Variants in OSBPL3 observed in about 807,000 individuals in gnomAD.
OSBPL3 encodes oxysterol-binding protein-related protein 3.
A neutral mutation model predicts 120.1 loss-of-function variants in OSBPL3; 65 were observed. The ratio of observed to expected loss-of-function variants is 0.54; its 90% CI spans 0.44 to 0.67. The LOEUF (loss-of-function observed/expected upper bound fraction) is 0.67, where lower values mean the gene tolerates loss of function less well. OSBPL3 is among the 30% of genes least tolerant of loss of function. OSBPL3 has a pLI of 0.00. For synonymous variants in OSBPL3, 416 were observed against 402.6 expected (o/e 1.03, Z -0.40); for missense variants, 1,004 against 1,082.1 (o/e 0.93, Z 1.01).
In OSBPL3 at chr7:24,968,419, C is replaced by T. The variant is rs551118384; in HGVS notation, c.-150+11467G>A. Among the ~76,000 whole-genome samples, 6 of 152,018 alleles carry T rather than the reference C, an allele frequency of 3.9e-5. No homozygotes were observed. Among genetic ancestry groups the T allele is most frequent in the African/African-American group, 9.7e-5 (4 of 41,376 alleles). On this transcript the variant is annotated intron_variant, in intron 1 of 22. Transcript: ENST00000313367. This position sits in a 1 kb window ranked among gnomAD's most constrained non-coding sequence, Gnocchi z 4.6. ...ACCAGTTTTTTTGTTTTTTTTGAGTCGGAGTCTCCCTCTGTCACCCAGACT... is the reference window on the plus strand; with the variant it reads ...ACCAGTTTTTTTGTTTTTTTTGAGTTGGAGTCTCCCTCTGTCACCCAGACT...
In OSBPL3 at chr7:24,872,448, A is replaced by AGTGTGT. The variant is rs371127031; in HGVS notation, c.97-385_97-380dup. Among the ~76,000 whole-genome samples the AGTGTGT allele has an allele frequency of 0.24, 34,512 of 144,484 alleles. 4,211 individuals carry two copies. The highest frequency in any genetic ancestry group is 0.29 in the Admixed American group (4,162 of 14,552). The allele number at this position is 144,484 out of a possible 152,430, so 94.8% of individuals were successfully genotyped here. ...TCAGTCTGAATTTTAACCGAAAGAGAGTGTGTGTGTGTGTGTGTGTGTGTG... is the reference window on the plus strand; with the variant it reads ...TCAGTCTGAATTTTAACCGAAAGAGAGTGTGTGTGTGTGTGTGTGTGTGTGTGTGTG... On this transcript the variant is annotated intron_variant, in intron 2 of 22. Transcript: ENST00000313367. This position sits in a 1 kb window ranked among gnomAD's most constrained non-coding sequence, Gnocchi z 4.1.
intron 2 of OSBPL3, among the ~76,000 whole-genome samples, chr7:24,890,627 G>C (rs1476164158): frequency 6.6e-6 from 1 of 152,162 alleles, no homozygotes; most frequent in Non-Finnish European, 1.5e-5. Flanking sequence ...CTAACTTCAG[G>C]CTGAAGTTAA....
chr7:24,849,149 C>T lies in OSBPL3; in HGVS notation c.1186G>A (p.Glu396Lys). 1.2e-6 allele frequency: 2 copies of T among 1,613,916 alleles called. No homozygotes were observed. Among genetic ancestry groups the T allele is most frequent in the Non-Finnish European group, 1.7e-6 (2 of 1,179,850 alleles). ...SALAQNTDLKERLRRIHAESL... is the reference protein window; with the variant it reads ...SALAQNTDLKKRLRRIHAESL... ...TCGGCATGGATTCTGCGTAAGCGTT[C>T]TTTAAGATCTGTGTTTTGTGCTAGG... is the stretch of plus-strand genomic sequence containing the variant. The change falls in exon 12 of 23, where the codon GAA becomes AAA. Residue 396 changes from glutamate to lysine, a missense_variant. By Grantham distance (56) the Glu-to-Lys change is moderately conservative. This residue lies in a region of OSBPL3 where 272 missense variants were observed against 248.8 expected (regional missense o/e 1.09). Transcript: ENST00000313367. The surrounding 1 kb of genome is among the most constrained non-coding windows in gnomAD (Gnocchi z 5.4).
At chr7:24,950,451 G>A (rs1194564944) in intron 1 of OSBPL3, among the ~76,000 whole-genome samples, 2 of 152,234 alleles carry the variant, frequency 1.3e-5, no homozygotes, top group African/African-American at 2.4e-5. Context: ...GGCCGGGCGC[G>A]GTGGCTCACG....
chr7:24,928,189 T>C (rs934670963), intron 1 of OSBPL3, among the ~76,000 whole-genome samples: 18 of 83,846 alleles, frequency 2.1e-4, no homozygotes, highest in African/African-American at 8.5e-4. Context: ...TAAACCTTCC[T>C]TTTTGTTTTT....
Position 24,873,760 on chromosome 7 carries a change from GAATTTATTTTAGCTCAGA to G in OSBPL3, c.97-1709_97-1692del, listed in dbSNP as rs1802485805. On this transcript the variant is annotated intron_variant, in intron 2 of 22. Transcript: ENST00000313367. This position sits in a 1 kb window ranked among gnomAD's most constrained non-coding sequence, Gnocchi z 4.1. Reference sequence around the variant, plus strand: ...AAACACCAAAAAAAAAAACTTACTTGAATTTATTTTAGCTCAGAAAGCCATTCCACAAAATTTAACACA... The same window carrying G: ...AAACACCAAAAAAAAAAACTTACTTGAAGCCATTCCACAAAATTTAACACA... Among the ~76,000 whole-genome samples the G allele has an allele frequency of 1.3e-5, 2 of 151,774 alleles. No individual in the cohort carries two copies. The highest frequency in any genetic ancestry group is 4.8e-5 in the African/African-American group (2 of 41,296).
Position 24,868,369 on chromosome 7 carries a change from GTC to G in OSBPL3, c.382-2134_382-2133del, listed in dbSNP as rs1554378554. Among the ~76,000 whole-genome samples the G allele has an allele frequency of 2.7e-4, 35 of 131,086 alleles. No individual in the cohort carries two copies. The East Asian group carries it at 0.011, about 42-fold the overall frequency. 86.0% of individuals were successfully genotyped at this position (131,086 alleles called of 152,430 possible). On this transcript the variant is annotated intron_variant, in intron 5 of 22. Coordinates refer to ENST00000313367, the MANE Select transcript of OSBPL3 (RefSeq NM_015550.4). ...TGTGTGTGTGTGTGTGTGTGTGTGT[GTC>G]TGTGTGTGATGGTGTATTGATATTT...
At position 24,802,966 on chromosome 7, in the gene OSBPL3, T is replaced by C. The variant is rs1026107091; in HGVS notation, c.2567+1349A>G. Among the ~76,000 whole-genome samples the C allele has an allele frequency of 6.6e-6, 1 of 152,194 alleles. No homozygotes were observed. The highest frequency in any genetic ancestry group is 1.5e-5 in the Non-Finnish European group (1 of 68,036). On this transcript the variant is annotated intron_variant, in intron 22 of 22. Transcript: ENST00000313367. This position sits in a 1 kb window ranked among gnomAD's most constrained non-coding sequence, Gnocchi z 4.1. ...TCAGGATGAAATTTTGGCCAGTTGA[T>C]TTTCCATCACTAATATCTTGAATTT...
At chr7:24,901,502 A>T (rs977823205) in intron 1 of OSBPL3, among the ~76,000 whole-genome samples, 1 of 152,246 alleles carries the variant, frequency 6.6e-6, no homozygotes, top group Non-Finnish European at 1.5e-5. Context: ...TTGATCCTCA[A>T]CACAAAACAC....
rs573915558 is a variant in OSBPL3 at position 24,953,601 on chromosome 7, T to C, written c.-150+26285A>G. On this transcript the variant is annotated intron_variant, in intron 1 of 22. Coordinates refer to ENST00000313367, the MANE Select transcript of OSBPL3 (RefSeq NM_015550.4). This position sits in a 1 kb window ranked among gnomAD's most constrained non-coding sequence, Gnocchi z 4.3. ...CACATTAGGAAGCAGTCAGATTGTA[T>C]CAGTGATCAAACAGTTCAGACAGGG... Among the ~76,000 whole-genome samples the C allele has an allele frequency of 6.6e-6, 1 of 152,310 alleles. No homozygotes were observed. The highest frequency in any genetic ancestry group is 2.4e-5 in the African/African-American group (1 of 41,562).
At position 24,877,645 on chromosome 7, in the gene OSBPL3, C is replaced by T. The variant is rs1469393281; in HGVS notation, c.97-5576G>A. On this transcript the variant is annotated intron_variant, in intron 2 of 22. Transcript: ENST00000313367. This position sits in a 1 kb window ranked among gnomAD's most constrained non-coding sequence, Gnocchi z 4.8. ...CAAGGGGGGTATCAAAAGAGTCCCCCAGAACCTTCGGGACATGGGACTTTA... is the reference window on the plus strand; with the variant it reads ...CAAGGGGGGTATCAAAAGAGTCCCCTAGAACCTTCGGGACATGGGACTTTA... Among the ~76,000 whole-genome samples the T allele has an allele frequency of 6.6e-6, 1 of 152,176 alleles. No individual in the cohort carries two copies. Among genetic ancestry groups the T allele is most frequent in the Admixed American group, 6.5e-5 (1 of 15,278 alleles).
In OSBPL3 at chr7:24,824,050, C is replaced by A. The variant is rs1273955300; in HGVS notation, c.1885-3812G>T. On this transcript the variant is annotated intron_variant, in intron 16 of 22. Transcript: ENST00000313367. The surrounding 1 kb of genome is among the most constrained non-coding windows in gnomAD (Gnocchi z 4.9). ...GCTGTCTGTTAGCCTGTTGAATAAA[C>A]CCAATTTAGACTTTTTTTTTAAGCA... Among the ~76,000 whole-genome samples the A allele has an allele frequency of 6.6e-6, 1 of 152,142 alleles. No homozygotes were observed. The highest frequency in any genetic ancestry group is 6.5e-5 in the Admixed American group (1 of 15,270).
chr7:24,801,318 T>C (rs545167421), intron 22 of OSBPL3, among the ~76,000 whole-genome samples: 11 of 151,942 alleles, frequency 7.2e-5, no homozygotes, highest in South Asian at 4.2e-4. Flanking sequence ...TTCTATTCTT[T>C]GAATAGAGAA....
chr7:24,979,748 G>A (rs904545899), intron 1 of OSBPL3, 138 bp downstream of exon 1: 16 of 359,498 alleles, frequency 4.5e-5, no homozygotes, highest in East Asian at 1.7e-4. Context: ...CAGGGCCGGA[G>A]CCTCCCCGGG....
intron 13 of OSBPL3, 83 bp downstream of exon 13, chr7:24,842,196 T>G: frequency 7.1e-7 from 1 of 1,403,860 alleles, no homozygotes; most frequent in Non-Finnish European, 9.9e-7. Context: ...GTGTTTCTGA[T>G]GATGGATTAT....
intron 1 of OSBPL3, among the ~76,000 whole-genome samples, chr7:24,929,004 C>A (rs1811446912): frequency 6.6e-6 from 1 of 152,156 alleles, no homozygotes; most frequent in Non-Finnish European, 1.5e-5. Flanking sequence ...TGGGTAAATA[C>A]AAAGAAGCAG....
intron 1 of OSBPL3, among the ~76,000 whole-genome samples, chr7:24,895,977 G>C (rs1260402363): frequency 1.3e-5 from 2 of 152,142 alleles, no homozygotes; most frequent in African/African-American, 4.8e-5. Context: ...TGCCAAAAAG[G>C]CTTCTTGGTC....
intron 19 of OSBPL3, among the ~76,000 whole-genome samples, chr7:24,810,647 T>C (rs1358975129): frequency 1.3e-5 from 2 of 152,242 alleles, no homozygotes; most frequent in African/African-American, 4.8e-5. Flanking sequence ...TAATTCTTCC[T>C]GTCTGAAATT....
rs1399512756 is a variant in OSBPL3, at chr7:24,932,212, A to C, written c.-149-39591T>G. ...TTTAAAGCTTCGGCAACTGAGGCTT[A>C]ACAAGGTCATATTTGTCCACCATCA... On this transcript the variant is annotated intron_variant, in intron 1 of 22. Coordinates refer to ENST00000313367, the MANE Select transcript of OSBPL3 (RefSeq NM_015550.4). This position sits in a 1 kb window ranked among gnomAD's most constrained non-coding sequence, Gnocchi z 5.6. Among the ~76,000 whole-genome samples the C allele has an allele frequency of 6.6e-6, 1 of 152,222 alleles. No individual in the cohort carries two copies. The highest frequency in any genetic ancestry group is 2.4e-5 in the African/African-American group (1 of 41,456).
Sources: allele counts gnomAD v4.1 joint callset (sites outside exome capture counted in the v4.1 genomes callset), GRCh38; gene constraint gnomAD v4.1.1; regional missense constraint gnomAD v4.1.1; non-coding constraint Gnocchi (gnomAD v3.1); transcripts MANE v1.5; gene names NCBI Gene and HGNC (gene_info 2026-07-23, HGNC 2026-07-21).